SLC9A1: variants seen among roughly 807,000 people sequenced by gnomAD.
SLC9A1 encodes sodium/hydrogen exchanger 1.
SLC9A1 carries 22 observed loss-of-function variants against 67.9 expected under a neutral mutation model. The ratio of observed to expected loss-of-function variants is 0.32; its 90% CI spans 0.23 to 0.46. The LOEUF (loss-of-function observed/expected upper bound fraction) is 0.46. Among genes scored for constraint, SLC9A1 ranks in the 20% least tolerant of loss-of-function variants. SLC9A1 has a pLI of 1.00. For synonymous variants in SLC9A1, 421 were observed against 471.8 expected, an observed-to-expected ratio of 0.89 and a Z score of 1.40; for missense variants, 686 against 1,094.8, an observed-to-expected ratio of 0.63 and a Z score of 5.27.
rs2083557480 is a variant in SLC9A1 at position 27,155,044 on chromosome 1, G to GCGCTC, written c.-715_-711dup. The GCGCTC allele has an allele frequency of 6.6e-6, 1 of 152,368 alleles. No homozygotes were observed. Among genetic ancestry groups the GCGCTC allele is most frequent in the Middle Eastern group, 3.1e-3 (1 of 318 alleles). 9.4% of individuals were successfully genotyped at this position (152,368 alleles called of 1,614,324 possible). A position where few individuals can be genotyped will look rare whatever the true frequency, so the allele number is the denominator to read the frequency against. ...CTCCTCGCGGCCCTGGCGCGACGCG[G>GCGCTC]CGCTCCGCCCCGGCCCAGCTGCAGC... On this transcript the variant is annotated 5_prime_UTR_variant, in exon 1 of 12. Transcript: ENST00000263980. The surrounding 1 kb of genome is among the most constrained non-coding windows in gnomAD (Gnocchi z 4.5).
rs796888692 is a variant in SLC9A1, at chr1:27,131,609, G to A, written c.353-17323C>T. On this transcript the variant is annotated intron_variant, in intron 1 of 11. Transcript: ENST00000263980. ...CTCAAAACACAAAAATTAGCTGGGC[G>A]TGGTGGCGCGCGCCTGTAGTCCCAG... 4.8e-4 allele frequency among the ~76,000 whole-genome samples: 73 copies of A among 151,868 alleles called. No individual in the cohort carries two copies. The Middle Eastern group carries it at 0.01, about 21-fold the overall frequency.
chr1:27,133,757 C>T (rs374860876), intron 1 of SLC9A1, among the ~76,000 whole-genome samples: 1 of 151,880 alleles, frequency 6.6e-6, no homozygotes, highest in African/African-American at 2.4e-5. Context: ...AGAACTGGAG[C>T]CCTGGTAATT....
In SLC9A1 at chr1:27,154,136, C is replaced by T. The variant is rs1178327869; in HGVS notation, c.199G>A (p.Val67Ile). 1 of 1,614,018 alleles carries T rather than the reference C, an allele frequency of 6.2e-7. No homozygotes were observed. The highest frequency in any genetic ancestry group is 2.2e-5 in the East Asian group (1 of 44,894). ...TTAACAGGGCGGCTCTCTGGGGTGACCTCCGGTGGAGCGGTGGTGACATCC... is the reference window on the plus strand; with the variant it reads ...TTAACAGGGCGGCTCTCTGGGGTGATCTCCGGTGGAGCGGTGGTGACATCC... ...IGDVTTAPPEVTPESRPVNHS... is the reference protein window; with the variant it reads ...IGDVTTAPPEITPESRPVNHS... The change falls in exon 1 of 12, where the codon GTC becomes ATC. Residue 67 changes from valine to isoleucine, a missense_variant. Transcript: ENST00000263980.
Position 27,100,545 on chromosome 1 carries a change from A to G in SLC9A1, c.2210T>C (p.Leu737Pro). The G allele has an allele frequency of 3.7e-6, 6 of 1,614,028 alleles. No homozygotes were observed. Among genetic ancestry groups the G allele is most frequent in the Non-Finnish European group, 5.1e-6 (6 of 1,179,922 alleles). ...PESVDLVNEE[L>P]KGKVLGLSRD... ...GCTCAACCCTAAGACTTTGCCCTTCAGCTCTTCATTCACCAGGTCCACAGA... is the reference window on the plus strand; with the variant it reads ...GCTCAACCCTAAGACTTTGCCCTTCGGCTCTTCATTCACCAGGTCCACAGA... Residue 737 changes from leucine to proline, a missense_variant, in exon 12 of 12, where the codon CTG (leucine) becomes CCG (proline). Physicochemically the swap from Leu to Pro is moderately conservative, Grantham distance 98. This residue lies in a region of SLC9A1 where 226 missense variants were observed against 282.4 expected (regional missense o/e 0.80). Transcript: ENST00000263980. The surrounding 1 kb of genome is among the most constrained non-coding windows in gnomAD (Gnocchi z 5.6).
chr1:27,126,046 G>A (rs1246916256), intron 1 of SLC9A1, among the ~76,000 whole-genome samples: 1 of 152,110 alleles, frequency 6.6e-6, no homozygotes, highest in Non-Finnish European at 1.5e-5. Context: ...CCCCACCTCA[G>A]GGCCTTTGCA....
rs1371224467 is a variant in SLC9A1, at chr1:27,107,900, T to A, written c.1065-35A>T. The A allele has an allele frequency of 3.4e-6, 5 of 1,486,758 alleles. No individual in the cohort carries two copies. In the African/African-American group the frequency reaches 6.9e-5, roughly 20 times the overall value. 92.1% of individuals were successfully genotyped at this position (1,486,758 alleles called of 1,614,324 possible). ...GAAAGAGCGGGGTCAGGGCTCCGTGTCGAGCTGCACCTGCTCGAGCCCCTC... is the reference window on the plus strand; with the variant it reads ...GAAAGAGCGGGGTCAGGGCTCCGTGACGAGCTGCACCTGCTCGAGCCCCTC... On this transcript the variant is annotated intron_variant, in intron 3 of 11. Coordinates refer to ENST00000263980, the MANE Select transcript of SLC9A1 (RefSeq NM_003047.5).
chr1:27,153,881 T>G, intron 1 of SLC9A1, 102 bp downstream of exon 1: 4 of 718,242 alleles, frequency 5.6e-6, no homozygotes, highest in Non-Finnish European at 9.3e-6. Context: ...TTTATGGGGG[T>G]AGTTCAGATC....
At chr1:27,108,352 CG>C (rs1557739719) in intron 3 of SLC9A1, among the ~76,000 whole-genome samples, 71 of 145,666 alleles carry the variant, frequency 4.9e-4, no homozygotes, top group African/African-American at 1.5e-3. Flanking sequence ...AGGCGACGAG[CG>C]CATGCCCGGC....
At position 27,109,616 on chromosome 1, in the gene SLC9A1, G is replaced by A. The variant is rs1362928627; in HGVS notation, c.975C>T (p.His325=). Residue 325 remains histidine, a synonymous_variant, in exon 3 of 12, where the codon CAC becomes CAT. Transcript: ENST00000263980. This position sits in a 1 kb window ranked among gnomAD's most constrained non-coding sequence, Gnocchi z 5.5. The part of the protein sequence containing the change: ...IAAFTSRFTS[H]IRVIEPLFVF... ...CGAAGAGCGGCTCGATGACCCGGAT[G>A]TGGGAGGTAAATCGGGAGGTGAAGG... is the stretch of plus-strand genomic sequence containing the variant. The A allele has an allele frequency of 6.2e-7, 1 of 1,613,970 alleles. No individual in the cohort carries two copies. The highest frequency in any genetic ancestry group is 2.2e-5 in the East Asian group (1 of 44,878).
At chr1:27,124,536 T>C (rs1459928044) in intron 1 of SLC9A1, among the ~76,000 whole-genome samples, 1 of 152,240 alleles carries the variant, frequency 6.6e-6, no homozygotes, top group Non-Finnish European at 1.5e-5. Context: ...ACAATTGCCC[T>C]GCAGAAAGCA....
At chr1:27,133,651 G>A (rs537649534) in intron 1 of SLC9A1, among the ~76,000 whole-genome samples, 18 of 152,140 alleles carry the variant, frequency 1.2e-4, no homozygotes, top group South Asian at 2.1e-4. Context: ...AGCATCTCCC[G>A]CCCCATCCAA....
chr1:27,105,515 C>T, intron 5 of SLC9A1: 1 of 589,664 alleles, frequency 1.7e-6, no homozygotes, highest in Non-Finnish European at 3.1e-6. Flanking sequence ...TCAGGCTGGT[C>T]TCAAACTCCT....
chr1:27,128,827 C>T (rs944842644), intron 1 of SLC9A1, among the ~76,000 whole-genome samples: 4 of 151,974 alleles, frequency 2.6e-5, no homozygotes, highest in Non-Finnish European at 5.9e-5. Context: ...CGTAGTGGTG[C>T]ATGCCTGTAA....
chr1:27,109,562 C>T lies in SLC9A1; in HGVS notation c.1029G>A (p.Leu343=). The part of the protein sequence containing the change: ...FVFLYSYMAY[L]SAELFHLSGI... The stretch of plus-strand genomic sequence containing the variant: ...CTGACAGGTGGAAGAGCTCGGCTGA[C>T]AAGTAGGCCATGTAGCTGTAGAGGA... The change falls in exon 3 of 12, where the codon TTG becomes TTA. Residue 343 remains leucine (L), a synonymous_variant. Coordinates refer to ENST00000263980, the MANE Select transcript of SLC9A1 (RefSeq NM_003047.5). This position sits in a 1 kb window ranked among gnomAD's most constrained non-coding sequence, Gnocchi z 5.5. 6.2e-7 allele frequency: 1 copy of T among 1,613,770 alleles called. No homozygotes were observed. The highest frequency in any genetic ancestry group is 8.5e-7 in the Non-Finnish European group (1 of 1,179,970).
intron 1 of SLC9A1, among the ~76,000 whole-genome samples, chr1:27,144,933 C>T (rs181016423): frequency 1.3e-5 from 2 of 152,076 alleles, no homozygotes; most frequent in Admixed American, 1.3e-4. Flanking sequence ...TTGCTTGAAC[C>T]TGCAGCTACT....
intron 1 of SLC9A1, among the ~76,000 whole-genome samples, chr1:27,143,480 T>G (rs1411752678): frequency 2.0e-5 from 3 of 152,224 alleles, no homozygotes; most frequent in Non-Finnish European, 2.9e-5. Context: ...GACTTAGAGA[T>G]GACCGTGATC....
intron 2 of SLC9A1, among the ~76,000 whole-genome samples, chr1:27,112,653 G>C (rs1294491081): frequency 1.3e-5 from 2 of 152,176 alleles, no homozygotes; most frequent in African/African-American, 4.8e-5. Flanking sequence ...GGAGGCTGAG[G>C]TGGGCGGATC....
At position 27,132,757 on chromosome 1, in the gene SLC9A1, G is replaced by A. The variant is rs543087996; in HGVS notation, c.353-18471C>T. On this transcript the variant is annotated intron_variant, in intron 1 of 11. Transcript: ENST00000263980. ...CTGAAAGCAGATACCAGGGCTGGCA[G>A]TCCCTCCCCAACTCCCACCCTAGGC... Among the ~76,000 whole-genome samples, 11 of 152,324 alleles carry A rather than the reference G, an allele frequency of 7.2e-5. No homozygotes were observed. The East Asian group carries it at 2.1e-3, about 29-fold the overall frequency.
At position 27,107,879 on chromosome 1, in the gene SLC9A1, G is replaced by A. The variant is rs759304662; in HGVS notation, c.1065-14C>T. ...GAGGCTATGAGCCTGGAGCAGGAAA[G>A]AGCGGGGTCAGGGCTCCGTGTCGAG... On this transcript the variant is annotated splice_polypyrimidine_tract_variant and intron_variant, in intron 3 of 11. Transcript: ENST00000263980. The A allele has an allele frequency of 2.5e-6, 4 of 1,575,404 alleles. No homozygotes were observed. Among genetic ancestry groups the A allele is most frequent in the Admixed American group, 1.8e-5 (1 of 54,932 alleles).
Sources: gnomAD v4.1 joint callset for allele counts (sites outside exome capture counted in the v4.1 genomes callset) on GRCh38, gnomAD v4.1.1 for gene constraint, gnomAD v4.1.1 regional missense constraint, Gnocchi (gnomAD v3.1) non-coding constraint, MANE v1.5 for transcripts, NCBI Gene and HGNC (gene_info 2026-07-23, HGNC 2026-07-21) for gene names.